The following CWF19L2 variants were observed in gnomAD, a reference collection of about 807,000 sequenced individuals.
CWF19L2 encodes CWF19-like protein 2.
A neutral mutation model predicts 111.7 loss-of-function variants in CWF19L2; 98 were observed. The ratio of observed to expected loss-of-function variants is 0.88; its 90% confidence interval spans 0.75 to 1.04. The LOEUF (loss-of-function observed/expected upper bound fraction) is 1.04, where lower values mean the gene tolerates loss of function less well. Ranked by LOEUF, CWF19L2 falls within the 50% of genes least tolerant of loss-of-function variation. The pLI is 0.00. For synonymous variants in CWF19L2, 351 were observed against 342.9 expected (o/e 1.02, Z -0.26); for missense variants, 1,101 against 1,051.4 (o/e 1.05, Z -0.65).
chr11:107,419,081 A>G (rs1268077276), intron 8 of CWF19L2, among the ~76,000 whole-genome samples: 1 of 152,220 alleles, frequency 6.6e-6, no homozygotes, highest in African/African-American at 2.4e-5. Flanking sequence ...TTGAGTACTC[A>G]GCAAGAAACC....
rs779089779 is a variant in CWF19L2 at position 107,455,760 on chromosome 11, T to A, written c.122A>T (p.Glu41Val). Reference protein sequence around the residue: ...EVLRQAKANFEKEERRKELKR... With the variant: ...EVLRQAKANFVKEERRKELKR... ...AAGTTCTTTACGCCTTTCTTCTTTTTCAAAATTGGCTTTAGCCTACAACCA... is the reference window on the plus strand; with the variant it reads ...AAGTTCTTTACGCCTTTCTTCTTTTACAAAATTGGCTTTAGCCTACAACCA... The change falls in exon 2 of 18, where the codon GAA (glutamate) becomes GTA (valine). Residue 41 changes from glutamate (E) to valine (V), a missense_variant. Physicochemically the swap from Glu to Val is moderately radical, Grantham distance 121 (BLOSUM62 -2). Coordinates refer to ENST00000282251, the MANE Select transcript of CWF19L2 (RefSeq NM_152434.3). 1.1e-5 allele frequency: 17 copies of A among 1,550,290 alleles called. No individual in the cohort carries two copies. The highest frequency in any genetic ancestry group is 9.8e-5 in the Admixed American group (5 of 50,910).
At chr11:107,371,098 C>G (rs1471040708) in intron 12 of CWF19L2, among the ~76,000 whole-genome samples, 1 of 125,250 alleles carries the variant, frequency 8.0e-6, no homozygotes, top group Non-Finnish European at 1.6e-5. Flanking sequence ...ACTGCAAGCT[C>G]TGCCTCCCGG....
intron 5 of CWF19L2, among the ~76,000 whole-genome samples, chr11:107,440,057 G>C (rs1032140120): frequency 1.3e-5 from 2 of 152,186 alleles, no homozygotes; most frequent in Non-Finnish European, 1.5e-5. Flanking sequence ...ACTGTAATGT[G>C]TGACGCGGCC....
chr11:107,439,240 T>G, intron 5 of CWF19L2, 57 bp from the exon 6 acceptor site: 1 of 1,017,908 alleles, frequency 9.8e-7, no homozygotes, highest in Non-Finnish European at 1.5e-6. Flanking sequence ...TTATAAAAAA[T>G]TAACAAATAA....
chr11:107,438,319 A>G (rs1009650049), intron 6 of CWF19L2, among the ~76,000 whole-genome samples: 6 of 152,224 alleles, frequency 3.9e-5, no homozygotes, highest in Non-Finnish European at 5.9e-5. Context: ...GTTATAAAGT[A>G]TGCTTACGTG....
Position 107,381,969 on chromosome 11 carries a change from C to T in CWF19L2, c.1872+8105G>A, listed in dbSNP as rs568348267. 1.4e-4 allele frequency among the ~76,000 whole-genome samples: 22 copies of T among 152,094 alleles called. No homozygotes were observed. In the East Asian group the frequency reaches 3.9e-3, roughly 27 times the overall value. On this transcript the variant is annotated intron_variant, in intron 12 of 17. Coordinates refer to ENST00000282251, the MANE Select transcript of CWF19L2 (RefSeq NM_152434.3). ...TCTCCCTTATCATTCCCCTCTTACA[C>T]CTTTCATTTTTCCTCCCCTCCGGCC...
At chr11:107,368,098 C>T (rs77852882) in intron 12 of CWF19L2, among the ~76,000 whole-genome samples, 4 of 107,736 alleles carry the variant, frequency 3.7e-5, no homozygotes, top group South Asian at 3.1e-4. Flanking sequence ...AAGAGAGATC[C>T]GGGCAGAATA....
At chr11:107,355,186 G>C (rs1860217144) in intron 12 of CWF19L2, among the ~76,000 whole-genome samples, 1 of 152,122 alleles carries the variant, frequency 6.6e-6, no homozygotes, top group Non-Finnish European at 1.5e-5. Context: ...GGCAGCCAAG[G>C]CAGGCGGATC....
At chr11:107,402,365 G>A (rs507514) in intron 10 of CWF19L2, among the ~76,000 whole-genome samples, 59,373 of 149,148 alleles carry the variant, frequency 0.4, 11,830 homozygotes, top group Middle Eastern at 0.48. Context: ...AATCTACAAC[G>A]AACTCAAACA....
intron 14 of CWF19L2, among the ~76,000 whole-genome samples, chr11:107,344,215 A>C (rs1860045849): frequency 6.6e-6 from 1 of 152,146 alleles, no homozygotes; most frequent in African/African-American, 2.4e-5. Flanking sequence ...TCAATCTCAA[A>C]AAAAGTTTCT....
chr11:107,358,757 T>C (rs1410361290), intron 12 of CWF19L2, among the ~76,000 whole-genome samples: 1 of 152,182 alleles, frequency 6.6e-6, no homozygotes, highest in Non-Finnish European at 1.5e-5. Flanking sequence ...ACTTTAACCA[T>C]GAGAGTAACA....
chr11:107,390,249 T>C, intron 11 of CWF19L2, 38 bp from the exon 12 acceptor site: 1 of 1,501,810 alleles, frequency 6.7e-7, no homozygotes, highest in South Asian at 1.3e-5. Flanking sequence ...AATGAAAACA[T>C]GAGTCTCTGA....
intron 4 of CWF19L2, 109 bp downstream of exon 4, chr11:107,442,830 G>GAC (rs1269947165): frequency 1.9e-6 from 1 of 528,196 alleles, no homozygotes; most frequent in South Asian, 2.2e-5. Flanking sequence ...GGGAGGGAGG[G>GAC]AGAGAGGGAC....
chr11:107,442,797 AG>A (rs1565287355), intron 4 of CWF19L2, 141 bp downstream of exon 4: 5 of 222,174 alleles, frequency 2.3e-5, no homozygotes, highest in African/African-American at 2.2e-4. Flanking sequence ...GAAGGAAGGG[AG>A]GGAGGGAGGG....
rs1235991214 is a variant in CWF19L2, at chr11:107,441,628, A to G, written c.451-6T>C. On this transcript the variant is annotated splice_polypyrimidine_tract_variant and splice_region_variant and intron_variant, in intron 4 of 17. Transcript: ENST00000282251. Reference sequence around the variant, plus strand: ...ACAGTCATCCACTCATCCCTCTGTTAAAAAAAAAGACATAAAATCAACAGT... The same window carrying G: ...ACAGTCATCCACTCATCCCTCTGTTGAAAAAAAAGACATAAAATCAACAGT... 16 of 1,402,494 alleles carry G rather than the reference A, an allele frequency of 1.1e-5. No homozygotes were observed. In the Admixed American group the frequency reaches 2.5e-4, roughly 22 times the overall value. 86.9% of individuals were successfully genotyped at this position (1,402,494 alleles called of 1,614,324 possible).
At chr11:107,446,171 A>G (rs1342067604) in intron 3 of CWF19L2, among the ~76,000 whole-genome samples, 5 of 152,244 alleles carry the variant, frequency 3.3e-5, no homozygotes, top group African/African-American at 4.8e-5. Context: ...AGCTGAACCC[A>G]ATTAGATGAT....
At position 107,454,558 on chromosome 11, in the gene CWF19L2, C is replaced by A; in HGVS notation, c.231G>T (p.Lys77Asn). 7.2e-7 allele frequency: 1 copy of A among 1,392,214 alleles called. No individual in the cohort carries two copies. 86.2% of individuals were successfully genotyped at this position (1,392,214 alleles called of 1,614,324 possible). The change falls in exon 3 of 18, where the codon AAG (lysine) becomes AAT (asparagine). Residue 77 changes from lysine (K) to asparagine (N), a missense_variant. Transcript: ENST00000282251. ...AATGCTTGTCTTTTTTCTTCTTTTT[C>A]TTCACAGAGTGTTCCTACAATCATT... ...IEQFSQEHSV[K>N]KKKKKDKHSK...
intron 3 of CWF19L2, among the ~76,000 whole-genome samples, chr11:107,452,713 CAAGCA>C (rs1316394819): frequency 3.3e-5 from 5 of 152,054 alleles, no homozygotes; most frequent in Non-Finnish European, 7.4e-5. Context: ...AATAGGAGGC[CAAGCA>C]TGGTGGCTCA....
At chr11:107,424,150 C>T in intron 8 of CWF19L2, among the ~76,000 whole-genome samples, 1 of 151,088 alleles carries the variant, frequency 6.6e-6, no homozygotes, top group South Asian at 2.1e-4. Context: ...AAATTTCTCC[C>T]TTGTCACCCA....
Sources: allele counts gnomAD v4.1 joint callset (sites outside exome capture counted in the v4.1 genomes callset), GRCh38; gene constraint gnomAD v4.1.1; transcripts MANE v1.5; gene names NCBI Gene and HGNC (gene_info 2026-07-23, HGNC 2026-07-21).